The following VDAC1 variants were observed in gnomAD, a reference collection of about 807,000 sequenced individuals.
VDAC1 encodes non-selective voltage-gated ion channel VDAC1.
In VDAC1, 10 loss-of-function variants were observed where a neutral mutation model predicts 34.7. The ratio of observed to expected loss-of-function variants is 0.29; its 90% confidence interval spans 0.18 to 0.49. The LOEUF (loss-of-function observed/expected upper bound fraction) is 0.49. Among genes scored for constraint, VDAC1 ranks in the 20% least tolerant of loss-of-function variants. The probability of loss-of-function intolerance (pLI) is 0.99; values close to 1 mark genes in which losing one functional copy is unlikely to be tolerated. For synonymous variants in VDAC1, 130 were observed against 136.0 expected, an observed-to-expected ratio of 0.96 and a Z score of 0.30; for missense variants, 230 against 347.9, an observed-to-expected ratio of 0.66 and a Z score of 2.69.
the VDAC1 span, among the ~76,000 whole-genome samples, chr5:134,017,840 G>A: frequency 6.6e-6 from 1 of 152,196 alleles, no homozygotes. Flanking sequence ...GTGAACCCAG[G>A]AGGCGGAGCT....
the VDAC1 span, among the ~76,000 whole-genome samples, chr5:134,101,612 C>T: frequency 2.3e-4 from 35 of 151,634 alleles, no homozygotes; most frequent in East Asian, 6.2e-3. Context: ...TCACCGGCGT[C>T]GGCACAGGAG....
the VDAC1 span, among the ~76,000 whole-genome samples, chr5:134,019,522 G>A: frequency 6.6e-6 from 1 of 152,180 alleles, no homozygotes; most frequent in African/African-American, 2.4e-5. Context: ...TAAGGCTGCA[G>A]TGAGCCATGA....
At chr5:134,027,329 T>G in the VDAC1 span, among the ~76,000 whole-genome samples, 1,556 of 152,288 alleles carry the variant, frequency 0.01, 28 homozygotes, top group African/African-American at 0.035. Flanking sequence ...CTCCTTCACC[T>G]GCAGGTCTCC....
At chr5:134,019,512 T>G in the VDAC1 span, among the ~76,000 whole-genome samples, 9 of 152,180 alleles carry the variant, frequency 5.9e-5, no homozygotes, top group Admixed American at 5.9e-4. Flanking sequence ...CCCAGGAGAT[T>G]AAGGCTGCAG....
intron 6 of VDAC1, among the ~76,000 whole-genome samples, chr5:133,979,334 A>G (rs1404391659): frequency 6.7e-6 from 1 of 149,380 alleles, no homozygotes; most frequent in Non-Finnish European, 1.5e-5. Context: ...GTTCAAAAAC[A>G]TTTCTATGCA....
chr5:134,073,758 T>G, the VDAC1 span, among the ~76,000 whole-genome samples: 1 of 152,292 alleles, frequency 6.6e-6, no homozygotes, highest in East Asian at 1.9e-4. Flanking sequence ...ATCTCCAACA[T>G]GTACCAGTAG....
the VDAC1 span, among the ~76,000 whole-genome samples, chr5:134,112,263 T>C: frequency 2.0e-5 from 3 of 152,238 alleles, no homozygotes; most frequent in Non-Finnish European, 4.4e-5. Flanking sequence ...ATTACCTGTA[T>C]AGACTACTCT....
At chr5:134,096,775 G>A in the VDAC1 span, among the ~76,000 whole-genome samples, 1,837 of 152,144 alleles carry the variant, frequency 0.012, 37 homozygotes, top group African/African-American at 0.042. Context: ...TGTATTTTAT[G>A]TAGAGAGAGG....
At chr5:134,007,252 AAAAAAG>A (rs1370411041), upstream of VDAC1, among the ~76,000 whole-genome samples, 2 of 151,066 alleles carry the variant, frequency 1.3e-5, no homozygotes, top group African/African-American at 2.4e-5. Flanking sequence ...CAAAAAAAAA[AAAAAAG>A]AAAAAAGAGT....
intron 1 of VDAC1, among the ~76,000 whole-genome samples, chr5:134,001,591 G>A (rs955521226): frequency 6.6e-6 from 1 of 151,754 alleles, no homozygotes; most frequent in African/African-American, 2.4e-5. Flanking sequence ...GGTGGCAGGC[G>A]CCTGTAATCC....
the VDAC1 span, among the ~76,000 whole-genome samples, chr5:134,018,545 G>A: frequency 2.0e-5 from 3 of 152,292 alleles, no homozygotes; most frequent in Non-Finnish European, 2.9e-5. Flanking sequence ...CAGCCTTGGC[G>A]TGGGCTGGGG....
chr5:133,973,671 T>C, intron 8 of VDAC1, 120 bp downstream of exon 8: 1 of 800,830 alleles, frequency 1.2e-6, no homozygotes, highest in Non-Finnish European at 2.0e-6. Context: ...TTTACATATA[T>C]CCATTTATAT....
chr5:134,033,382 T>A, the VDAC1 span, among the ~76,000 whole-genome samples: 4 of 151,492 alleles, frequency 2.6e-5, no homozygotes, highest in African/African-American at 9.7e-5. Context: ...GGTCTCGATC[T>A]CCTAACCTCG....
At chr5:134,041,986 G>A in the VDAC1 span, among the ~76,000 whole-genome samples, 8 of 152,330 alleles carry the variant, frequency 5.3e-5, no homozygotes, top group South Asian at 1.7e-3. Flanking sequence ...GTTTGTTTTG[G>A]GGGATCAGAG....
chr5:134,010,016 T>C, the VDAC1 span, among the ~76,000 whole-genome samples: 1 of 152,166 alleles, frequency 6.6e-6, no homozygotes, highest in Non-Finnish European at 1.5e-5. Context: ...AATACCTTGA[T>C]TATAAAAAGA....
chr5:134,111,066 ACTGCACTCCAACAGAGCAGGGCAGGC>A, the VDAC1 span, among the ~76,000 whole-genome samples: 7 of 152,188 alleles, frequency 4.6e-5, no homozygotes, highest in Non-Finnish European at 7.3e-5. Context: ...GTTCATCTCG[ACTGCACTCCAACAGAGCAGGGCAGGC>A]CTGCGTATGA....
chr5:134,059,444 G>A, the VDAC1 span, among the ~76,000 whole-genome samples: 1 of 152,120 alleles, frequency 6.6e-6, no homozygotes, highest in African/African-American at 2.4e-5. Context: ...CCCACGTGCT[G>A]TAGGCAGTGG....
rs75996645 is a variant in VDAC1 at position 133,995,458 on chromosome 5, T to A, written c.-6-2440A>T. On this transcript the variant is annotated intron_variant, in intron 1 of 8. Coordinates refer to ENST00000265333, the MANE Select transcript of VDAC1 (RefSeq NM_003374.3). ...ATCTCCCCCGTTCTGGGCCCCCAAGTAAGCATTCTCCCCAGCATAGCACCT... is the reference window on the plus strand; with the variant it reads ...ATCTCCCCCGTTCTGGGCCCCCAAGAAAGCATTCTCCCCAGCATAGCACCT... 7.8e-3 allele frequency among the ~76,000 whole-genome samples: 1,182 copies of A among 152,306 alleles called. 20 individuals carry two copies. The highest frequency in any genetic ancestry group is 0.027 in the African/African-American group (1,128 of 41,558).
chr5:134,092,591 G>A, the VDAC1 span, among the ~76,000 whole-genome samples: 5 of 151,504 alleles, frequency 3.3e-5, no homozygotes, highest in South Asian at 4.2e-4. Context: ...CAGGAGAATC[G>A]CTTGAACCCA....
Sources: allele counts gnomAD v4.1 joint callset (sites outside exome capture counted in the v4.1 genomes callset), GRCh38; gene constraint gnomAD v4.1.1; transcripts MANE v1.5; gene names NCBI Gene and HGNC (gene_info 2026-07-23, HGNC 2026-07-21).